Variants in SLC10A7 observed in about 807,000 individuals in gnomAD.
SLC10A7 encodes sodium/bile acid cotransporter 7.
A neutral mutation model predicts 43.2 loss-of-function variants in SLC10A7; 29 were observed. The observed-to-expected ratio is 0.67, with a 90% CI of 0.50 to 0.92. The LOEUF is 0.92. SLC10A7 is among the 40% of genes least tolerant of loss of function. SLC10A7 has a pLI of 0.00. For missense variants in SLC10A7, 295 were observed against 403.2 expected, an observed-to-expected ratio of 0.73 and a Z score of 2.30; for synonymous variants, 152 against 144.8, an observed-to-expected ratio of 1.05 and a Z score of -0.35.
intron 4 of SLC10A7, among the ~76,000 whole-genome samples, chr4:146,455,851 CT>C (rs1479625867): frequency 6.6e-6 from 1 of 151,788 alleles, no homozygotes; most frequent in Non-Finnish European, 1.5e-5. Flanking sequence ...AAGTTCTTTC[CT>C]TTTCTGACTT....
chr4:146,289,357 A>G (rs1178401934), intron 9 of SLC10A7, among the ~76,000 whole-genome samples: 1 of 152,172 alleles, frequency 6.6e-6, no homozygotes, highest in African/African-American at 2.4e-5. Flanking sequence ...AAACACATAT[A>G]CAAATATTTG....
chr4:146,502,951 A>C (rs1468259696), intron 4 of SLC10A7, among the ~76,000 whole-genome samples: 1 of 152,208 alleles, frequency 6.6e-6, no homozygotes, highest in African/African-American at 2.4e-5. Flanking sequence ...TATGTTCACT[A>C]TCTTGATTGT....
chr4:146,514,776 C>T (rs1323977454), intron 2 of SLC10A7: 2 of 213,230 alleles, frequency 9.4e-6, no homozygotes, highest in East Asian at 2.2e-4. Context: ...AACTAGTAAA[C>T]AAATATGACT....
intron 3 of SLC10A7, among the ~76,000 whole-genome samples, chr4:146,504,811 C>A (rs1736751729): frequency 6.6e-6 from 1 of 152,148 alleles, no homozygotes; most frequent in Admixed American, 6.5e-5. Context: ...TCACATACTT[C>A]TTGCATTCAG....
chr4:146,471,179 G>T (rs1733536568), intron 4 of SLC10A7, among the ~76,000 whole-genome samples: 1 of 152,132 alleles, frequency 6.6e-6, no homozygotes, highest in Non-Finnish European at 1.5e-5. Context: ...ATGCACCAGT[G>T]AGCATTTTCT....
At chr4:146,454,430 C>G (rs561953655) in intron 4 of SLC10A7, among the ~76,000 whole-genome samples, 1 of 151,962 alleles carries the variant, frequency 6.6e-6, no homozygotes, top group South Asian at 2.1e-4. Context: ...CAAGGTCATA[C>G]TGGACAGCAG....
chr4:146,513,082 G>A (rs560382003), intron 2 of SLC10A7, among the ~76,000 whole-genome samples: 2 of 152,040 alleles, frequency 1.3e-5, no homozygotes, highest in African/African-American at 2.4e-5. Flanking sequence ...GGAAAGGTAC[G>A]CAGAAATTGT....
chr4:146,362,094 A>T (rs182153353), intron 5 of SLC10A7, among the ~76,000 whole-genome samples: 1 of 152,322 alleles, frequency 6.6e-6, no homozygotes, highest in African/African-American at 2.4e-5. Flanking sequence ...TACAAGACAT[A>T]GAAAATAGCC....
intron 10 of SLC10A7, among the ~76,000 whole-genome samples, chr4:146,271,907 T>A (rs1218205342): frequency 6.6e-6 from 1 of 152,164 alleles, no homozygotes; most frequent in African/African-American, 2.4e-5. Context: ...TTTGACCCAA[T>A]GTGCCCTTTA....
At chr4:146,262,706 CT>C (rs1728305447) in intron 10 of SLC10A7, among the ~76,000 whole-genome samples, 1 of 152,214 alleles carries the variant, frequency 6.6e-6, no homozygotes, top group Non-Finnish European at 1.5e-5. Context: ...CCATAACTTA[CT>C]GGGCACATGG....
chr4:146,454,162 T>C (rs1343724856), intron 4 of SLC10A7, among the ~76,000 whole-genome samples: 1 of 151,932 alleles, frequency 6.6e-6, no homozygotes, highest in Non-Finnish European at 1.5e-5. Flanking sequence ...AATTTGTTAC[T>C]TTAAGGGTTA....
intron 9 of SLC10A7, among the ~76,000 whole-genome samples, 191 bp from the exon 10 acceptor site, chr4:146,283,456 A>T (rs906559072): frequency 5.3e-5 from 8 of 152,140 alleles, no homozygotes; most frequent in Non-Finnish European, 7.4e-5. Flanking sequence ...TCATTTATCC[A>T]TGAAAAGGAG....
chr4:146,411,644 T>C (rs1369126954), intron 5 of SLC10A7, among the ~76,000 whole-genome samples: 1 of 152,100 alleles, frequency 6.6e-6, no homozygotes, highest in Non-Finnish European at 1.5e-5. Flanking sequence ...ACTTGAAAAA[T>C]AATTCATGGT....
At chr4:146,422,980 C>A (rs1193819807) in intron 5 of SLC10A7, among the ~76,000 whole-genome samples, 1 of 152,038 alleles carries the variant, frequency 6.6e-6, no homozygotes, top group Non-Finnish European at 1.5e-5. Context: ...TTATTCCTCC[C>A]AGCAGCTACA....
intron 5 of SLC10A7, among the ~76,000 whole-genome samples, chr4:146,413,296 T>A (rs1277705913): frequency 6.6e-6 from 1 of 152,116 alleles, no homozygotes; most frequent in African/African-American, 2.4e-5. Context: ...CTTTAGCTTG[T>A]TTTTTAAAAA....
intron 4 of SLC10A7, among the ~76,000 whole-genome samples, chr4:146,468,959 C>T (rs1733314901): frequency 6.6e-6 from 1 of 151,914 alleles, no homozygotes; most frequent in African/African-American, 2.4e-5. Context: ...TCGGGGAAAA[C>T]CAAACTTGTA....
intron 6 of SLC10A7, among the ~76,000 whole-genome samples, chr4:146,322,783 T>G (rs1191568857): frequency 6.6e-6 from 1 of 152,192 alleles, no homozygotes; most frequent in African/African-American, 2.4e-5. Context: ...TCTAGACCCT[T>G]GAGGAATCAC....
chr4:146,356,966 A>G (rs1447723284), intron 5 of SLC10A7, among the ~76,000 whole-genome samples: 1 of 152,226 alleles, frequency 6.6e-6, no homozygotes, highest in African/African-American at 2.4e-5. Flanking sequence ...ACTTGCAAGG[A>G]AACAACACAT....
At chr4:146,357,224 T>C (rs1245798187) in intron 5 of SLC10A7, among the ~76,000 whole-genome samples, 1 of 152,222 alleles carries the variant, frequency 6.6e-6, no homozygotes, top group African/African-American at 2.4e-5. Flanking sequence ...TTTATTTTCA[T>C]GGCAATAATG....
Sources: allele counts gnomAD v4.1 joint callset (sites outside exome capture counted in the v4.1 genomes callset), GRCh38; gene constraint gnomAD v4.1.1; transcripts MANE v1.5; gene names NCBI Gene and HGNC (gene_info 2026-07-23, HGNC 2026-07-21).